The following ZNF423 variants were observed in gnomAD, a reference collection of about 807,000 sequenced individuals.
ZNF423 encodes the protein Ebf-associated zinc finger protein.
A neutral mutation model predicts 95.8 loss-of-function variants in ZNF423; 12 were observed. That is an observed-to-expected ratio of 0.13 (90% CI 0.08 to 0.20). ZNF423 has a LOEUF of 0.20. Ranked by LOEUF, ZNF423 falls within the 10% of genes least tolerant of loss-of-function variation. The probability of loss-of-function intolerance (pLI) is 1.00; values close to 1 mark genes in which losing one functional copy is unlikely to be tolerated. For synonymous variants in ZNF423, 749 were observed against 711.9 expected, an observed-to-expected ratio of 1.05 and a Z score of -0.83; for missense variants, 1,316 against 1,737.1, an observed-to-expected ratio of 0.76 and a Z score of 4.31.
chr16:49,670,858 C>CT (rs2030775116), intron 3 of ZNF423, among the ~76,000 whole-genome samples: 1 of 152,226 alleles, frequency 6.6e-6, no homozygotes, highest in Admixed American at 6.5e-5. Flanking sequence ...TTAAAGCATC[C>CT]TTTTTAAGTG....
Position 49,558,489 on chromosome 16 carries a change from C to T in ZNF423, c.3602-32995G>A, listed in dbSNP as rs1969911770. Among the ~76,000 whole-genome samples the T allele has an allele frequency of 2.0e-5, 3 of 152,182 alleles. No homozygotes were observed. The South Asian group carries it at 6.2e-4, about 31-fold the overall frequency. On this transcript the variant is annotated intron_variant, in intron 5 of 7. Transcript: ENST00000563137. ...AGTGATGCAGGATAAGAGGAGTAGG[C>T]CCAGAAGTGGCTGTAGGGGCCCTCC...
chr16:49,815,896 ATATATATATATATATATATTTTTTTTTTT>A lies in ZNF423; in HGVS notation c.41-26379_41-26351del, dbSNP rs1567356314. ...AAAAAAAAAAAATATATATATATAT[ATATATATATATATATATATTTTTTTTTTT>A]TTTTTTTTTTTGAGACAAAGTCTCA... is the stretch of plus-strand genomic sequence containing the variant. On this transcript the variant is annotated intron_variant, in intron 1 of 7. Coordinates refer to ENST00000563137, the MANE Select transcript of ZNF423 (RefSeq NM_001379286.1). Among the ~76,000 whole-genome samples, 430 of 55,116 alleles carry A rather than the reference ATATATATATATATATATATTTTTTTTTTT, an allele frequency of 7.8e-3. 10 individuals carry two copies. The highest frequency in any genetic ancestry group is 0.055 in the East Asian group (113 of 2,072). The allele number at this position is 55,116 out of a possible 152,430, so 36.2% of individuals were successfully genotyped here. A position where few individuals can be genotyped will look rare whatever the true frequency, so the allele number is the denominator to read the frequency against.
Position 49,855,239 on chromosome 16 carries a change from C to T in ZNF423, c.40+496G>A, listed in dbSNP as rs2035348784. ...CGTCCTCGGGCGACCAGGCAGGGGC[C>T]AGAGAGAGCCAGCGAGGCCCGGGGC... On this transcript the variant is annotated intron_variant, in intron 1 of 7. Transcript: ENST00000563137. The surrounding 1 kb of genome is among the most constrained non-coding windows in gnomAD (Gnocchi z 4.7). Among the ~76,000 whole-genome samples, 1 of 150,902 alleles carries T rather than the reference C, an allele frequency of 6.6e-6. No individual in the cohort carries two copies. Among genetic ancestry groups the T allele is most frequent in the Non-Finnish European group, 1.5e-5 (1 of 67,672 alleles).
At chr16:49,724,712 A>G (rs183131339) in intron 3 of ZNF423, among the ~76,000 whole-genome samples, 63 of 152,334 alleles carry the variant, frequency 4.1e-4, no homozygotes, top group Non-Finnish European at 2.5e-4. Context: ...ACAGCTGAAC[A>G]AACCAGGGTG....
At chr16:49,532,089 C>G (rs1164528309) in intron 5 of ZNF423, among the ~76,000 whole-genome samples, 2 of 152,198 alleles carry the variant, frequency 1.3e-5, no homozygotes, top group Non-Finnish European at 2.9e-5. Flanking sequence ...GGAAGGATCT[C>G]TTAAAAGGCA....
intron 1 of ZNF423, among the ~76,000 whole-genome samples, chr16:49,799,649 CA>C (rs1272659112): frequency 2.0e-5 from 3 of 152,212 alleles, no homozygotes; most frequent in African/African-American, 7.2e-5. Context: ...ACACTAACCC[CA>C]GTAAAATCTA....
At chr16:49,567,974 A>C (rs1970244795) in intron 5 of ZNF423, among the ~76,000 whole-genome samples, 1 of 152,154 alleles carries the variant, frequency 6.6e-6, no homozygotes, top group Non-Finnish European at 1.5e-5. Flanking sequence ...ATGACCCAAG[A>C]GTCTTTTGGG....
intron 3 of ZNF423, among the ~76,000 whole-genome samples, chr16:49,659,120 ACT>A (rs1336936898): frequency 1.3e-5 from 2 of 152,082 alleles, no homozygotes; most frequent in East Asian, 3.9e-4. Context: ...ATAGAGTCCC[ACT>A]CTGTCGCCCA....
rs377673244 is a variant in ZNF423, at chr16:49,607,963, T to C, written c.3601+18207A>G. On this transcript the variant is annotated intron_variant, in intron 5 of 7. Transcript: ENST00000563137. ...TTCCGTCTGCCCCTCCCAACTCCCA[T>C]GACAACTTTTAGCCCTAGGCATCAA... 5.9e-5 allele frequency among the ~76,000 whole-genome samples: 9 copies of C among 152,296 alleles called. No individual in the cohort carries two copies. In the East Asian group the frequency reaches 1.7e-3, roughly 29 times the overall value.
intron 5 of ZNF423, among the ~76,000 whole-genome samples, chr16:49,592,176 T>C (rs1971029939): frequency 2.0e-5 from 3 of 152,396 alleles, no homozygotes; most frequent in African/African-American, 7.2e-5. Flanking sequence ...TTTAAAACTG[T>C]ATCTATGCAT....
intron 5 of ZNF423, among the ~76,000 whole-genome samples, chr16:49,588,181 A>T (rs2151812452): frequency 6.6e-6 from 1 of 152,324 alleles, no homozygotes; most frequent in African/African-American, 2.4e-5. Context: ...AGACCCTGTG[A>T]ATCTTCCCTG....
intron 3 of ZNF423, chr16:49,711,690 T>C (rs2032548324): frequency 6.6e-6 from 1 of 152,170 alleles, no homozygotes; most frequent in African/African-American, 2.4e-5. Context: ...TTAGAATCTA[T>C]GAAATACAGT....
chr16:49,705,930 CT>C (rs1302881768), intron 3 of ZNF423, among the ~76,000 whole-genome samples: 2 of 152,210 alleles, frequency 1.3e-5, no homozygotes, highest in Non-Finnish European at 2.9e-5. Context: ...TCCATTGCTT[CT>C]GGGAACCCCA....
chr16:49,694,974 A>G (rs1295734566), intron 3 of ZNF423, among the ~76,000 whole-genome samples: 1 of 152,242 alleles, frequency 6.6e-6, no homozygotes, highest in East Asian at 1.9e-4. Context: ...TGTGGTCCTC[A>G]GAGGCAGCCT....
At chr16:49,849,922 A>G (rs1050823759) in intron 1 of ZNF423, among the ~76,000 whole-genome samples, 9 of 152,350 alleles carry the variant, frequency 5.9e-5, no homozygotes, top group South Asian at 2.1e-4. Flanking sequence ...GCGAGGGCTG[A>G]CAATACAATA....
At chr16:49,584,385 T>C (rs1308933329) in intron 5 of ZNF423, among the ~76,000 whole-genome samples, 2 of 152,222 alleles carry the variant, frequency 1.3e-5, no homozygotes, top group East Asian at 3.9e-4. Flanking sequence ...GTCCAAAAAC[T>C]GTGTTTTTCA....
Position 49,489,549 on chromosome 16 carries a change from G to A in ZNF423, c.*1726C>T, listed in dbSNP as rs1477086228. The A allele has an allele frequency of 6.6e-6, 1 of 152,378 alleles. No individual in the cohort carries two copies. Among genetic ancestry groups the A allele is most frequent in the South Asian group, 2.1e-4 (1 of 4,826 alleles). 9.4% of individuals were successfully genotyped at this position (152,378 alleles called of 1,614,324 possible). On this transcript the variant is annotated 3_prime_UTR_variant, in exon 8 of 8. Transcript: ENST00000563137. Reference sequence around the variant, plus strand: ...GAAAAACTGAAAGCCCCACCCGCGTGAGAACATTACATGAGGTGACAGAAA... The same window carrying A: ...GAAAAACTGAAAGCCCCACCCGCGTAAGAACATTACATGAGGTGACAGAAA...
At chr16:49,793,193 G>A (rs1463155498) in intron 1 of ZNF423, among the ~76,000 whole-genome samples, 1 of 135,652 alleles carries the variant, frequency 7.4e-6, no homozygotes, top group Non-Finnish European at 1.6e-5. Flanking sequence ...GTCCAGACTG[G>A]ATCTCCAGCA....
At chr16:49,850,619 C>G (rs28633718) in intron 1 of ZNF423, among the ~76,000 whole-genome samples, 31,265 of 152,158 alleles carry the variant, frequency 0.21, 3,367 homozygotes, top group African/African-American at 0.25. Flanking sequence ...GCCAGGAAAG[C>G]CAAGTCCATC....
Sources: allele counts gnomAD v4.1 joint callset (sites outside exome capture counted in the v4.1 genomes callset), GRCh38; gene constraint gnomAD v4.1.1; non-coding constraint Gnocchi (gnomAD v3.1); transcripts MANE v1.5; gene names NCBI Gene and HGNC (gene_info 2026-07-23, HGNC 2026-07-21).